The following HDAC9 variants were observed in gnomAD, a reference collection of about 807,000 sequenced individuals.
HDAC9 encodes histone deacetylase 9, also known as MEF-2 interacting transcription repressor (MITR) protein.
In HDAC9, 41 loss-of-function variants were observed where a neutral mutation model predicts 139.4. The observed-to-expected ratio is 0.29, with a 90% confidence interval of 0.23 to 0.38. The LOEUF is 0.38. HDAC9 is among the 10% of genes least tolerant of loss of function. The probability of loss-of-function intolerance (pLI) is 1.00; values close to 1 mark genes in which losing one functional copy is unlikely to be tolerated. For synonymous variants in HDAC9, 517 were observed against 476.2 expected, an observed-to-expected ratio of 1.09 and a Z score of -1.12; for missense variants, 1,147 against 1,297.0, an observed-to-expected ratio of 0.88 and a Z score of 1.78.
chr7:18,598,008 T>C (rs1832939463), intron 6 of HDAC9, among the ~76,000 whole-genome samples: 1 of 152,200 alleles, frequency 6.6e-6, no homozygotes, highest in African/African-American at 2.4e-5. Context: ...AGATTAGATA[T>C]GTAGCTTTAT....
intron 17 of HDAC9, among the ~76,000 whole-genome samples, chr7:18,819,255 G>T (rs1422608826): frequency 6.6e-6 from 1 of 152,140 alleles, no homozygotes; most frequent in African/African-American, 2.4e-5. Context: ...ACTCCAGCCT[G>T]GGTGACAGAG....
intron 2 of HDAC9, among the ~76,000 whole-genome samples, chr7:18,505,289 G>A (rs1395826124): frequency 6.6e-6 from 1 of 152,090 alleles, no homozygotes; most frequent in East Asian, 1.9e-4. Context: ...GCAGGAGAAA[G>A]TAATTTTTTT....
intron 25 of HDAC9, among the ~76,000 whole-genome samples, chr7:18,976,371 G>A (rs767942160): frequency 7.9e-5 from 12 of 152,172 alleles, no homozygotes; most frequent in Non-Finnish European, 1.3e-4. Context: ...GAGAGTAGAA[G>A]ATGGAAATAA....
At chr7:18,112,263 C>T (rs2128084315) in intron 1 of HDAC9, among the ~76,000 whole-genome samples, 1 of 152,244 alleles carries the variant, frequency 6.6e-6, no homozygotes, top group South Asian at 2.1e-4. Context: ...AGAGTATTTA[C>T]ACCGTGGAAA....
At chr7:18,254,982 TAC>T (rs1795140346) in intron 2 of HDAC9, among the ~76,000 whole-genome samples, 1 of 152,202 alleles carries the variant, frequency 6.6e-6, no homozygotes, top group Admixed American at 6.5e-5. Context: ...GCTTTTTATA[TAC>T]ACACATATAC....
chr7:18,185,265 A>C (rs1262020009), intron 2 of HDAC9, among the ~76,000 whole-genome samples: 1 of 152,212 alleles, frequency 6.6e-6, no homozygotes, highest in Non-Finnish European at 1.5e-5. Flanking sequence ...AGAACTAAAA[A>C]TGAAAACCAA....
chr7:18,406,164 G>C (rs1269863777), intron 1 of HDAC9, among the ~76,000 whole-genome samples: 1 of 151,920 alleles, frequency 6.6e-6, no homozygotes, highest in Non-Finnish European at 1.5e-5. Context: ...GTATCATTTT[G>C]GTTTATAAAT....
intron 1 of HDAC9, chr7:18,290,650 G>A: frequency 2.5e-6 from 1 of 395,772 alleles, no homozygotes; most frequent in Non-Finnish European, 5.0e-6. Flanking sequence ...GCGGAGGGAA[G>A]CAAAAGGTTT....
intron 1 of HDAC9, among the ~76,000 whole-genome samples, chr7:18,150,456 T>C (rs953288284): frequency 6.6e-6 from 1 of 152,196 alleles, no homozygotes; most frequent in Non-Finnish European, 1.5e-5. Flanking sequence ...GCATACACAC[T>C]GCAATATTAT....
At chr7:18,279,643 T>G (rs543765398) in intron 2 of HDAC9, among the ~76,000 whole-genome samples, 2 of 151,994 alleles carry the variant, frequency 1.3e-5, no homozygotes, top group South Asian at 4.2e-4. Context: ...TTTTTGTATT[T>G]TTAGTAGAGA....
At chr7:18,523,469 T>A (rs543221483) in intron 2 of HDAC9, among the ~76,000 whole-genome samples, 1 of 152,310 alleles carries the variant, frequency 6.6e-6, no homozygotes, top group South Asian at 2.1e-4. Context: ...CATTCATAAC[T>A]GGGTAGATGT....
At chr7:18,516,102 T>A (rs1236770985) in intron 2 of HDAC9, among the ~76,000 whole-genome samples, 1 of 152,200 alleles carries the variant, frequency 6.6e-6, no homozygotes, top group African/African-American at 2.4e-5. Flanking sequence ...GTTGTTTTCT[T>A]CAGACAAAAA....
chr7:18,760,936 G>C (rs1396107702), intron 14 of HDAC9, among the ~76,000 whole-genome samples: 2 of 152,206 alleles, frequency 1.3e-5, no homozygotes, highest in Non-Finnish European at 2.9e-5. Context: ...AATTGTCCTC[G>C]TCCTGAGAGA....
At chr7:18,787,746 A>C (rs1050118879) in intron 16 of HDAC9, among the ~76,000 whole-genome samples, 1 of 152,176 alleles carries the variant, frequency 6.6e-6, no homozygotes, top group African/African-American at 2.4e-5. Context: ...TGGCAAAATA[A>C]ATTCCTGACC....
At chr7:18,909,149 G>C (rs923779691) in intron 22 of HDAC9, among the ~76,000 whole-genome samples, 1 of 151,940 alleles carries the variant, frequency 6.6e-6, no homozygotes, top group Non-Finnish European at 1.5e-5. Flanking sequence ...TGATTAGGGA[G>C]GTTGAGAATA....
At chr7:18,579,426 T>C (rs1827075190) in intron 2 of HDAC9, among the ~76,000 whole-genome samples, 1 of 152,208 alleles carries the variant, frequency 6.6e-6, no homozygotes, top group Non-Finnish European at 1.5e-5. Flanking sequence ...CAGAAAACAG[T>C]ACAGAAGGCA....
intron 1 of HDAC9, among the ~76,000 whole-genome samples, chr7:18,150,018 G>A (rs140402202): frequency 2.0e-5 from 3 of 149,650 alleles, no homozygotes; most frequent in South Asian, 2.1e-4. Flanking sequence ...ACTAATTCTT[G>A]TTGGTTATTT....
intron 2 of HDAC9, among the ~76,000 whole-genome samples, chr7:18,506,836 T>C (rs560184595): frequency 3.3e-5 from 5 of 152,244 alleles, no homozygotes; most frequent in African/African-American, 9.6e-5. Context: ...TCTCAGCATA[T>C]GAGAAAAGTA....
intron 12 of HDAC9, among the ~76,000 whole-genome samples, chr7:18,711,601 C>A (rs1784349540): frequency 6.6e-6 from 1 of 152,152 alleles, no homozygotes; most frequent in South Asian, 2.1e-4. Flanking sequence ...CCACACCCAC[C>A]ACCCCTGCCC....
Sources: allele counts gnomAD v4.1 joint callset (sites outside exome capture counted in the v4.1 genomes callset), GRCh38; gene constraint gnomAD v4.1.1; transcripts MANE v1.5; gene names NCBI Gene and HGNC (gene_info 2026-07-23, HGNC 2026-07-21).